The following CNTN5 variants were observed in gnomAD, a reference collection of about 807,000 sequenced individuals.
CNTN5 encodes contactin-5.
Under a neutral mutation model 129.1 loss-of-function variants are expected in CNTN5, and 77 were observed. The ratio of observed to expected loss-of-function variants is 0.60; its 90% CI spans 0.50 to 0.72. CNTN5 has a LOEUF of 0.72. CNTN5 is among the 30% of genes least tolerant of loss of function. CNTN5 has a pLI of 0.00. For missense variants in CNTN5, 1,478 were observed against 1,328.8 expected (o/e 1.11, Z -1.75); for synonymous variants, 509 against 465.6 (o/e 1.09, Z -1.20).
chr11:100,295,913 G>A (rs1401550709), intron 18 of CNTN5, among the ~76,000 whole-genome samples: 1 of 151,456 alleles, frequency 6.6e-6, no homozygotes, highest in Admixed American at 6.6e-5. Context: ...AGGAGTGTAT[G>A]TGTGTATGTA....
chr11:99,918,497 C>G (rs894689347), intron 7 of CNTN5, among the ~76,000 whole-genome samples: 5 of 151,848 alleles, frequency 3.3e-5, no homozygotes, highest in African/African-American at 1.2e-4. Flanking sequence ...ATGTGTCTTC[C>G]CCAGTCTCAC....
rs912670896 is a variant in CNTN5 at position 99,587,084 on chromosome 11, A to T, written c.55+30815A>T. On this transcript the variant is annotated intron_variant, in intron 3 of 24. Coordinates refer to ENST00000524871, the MANE Select transcript of CNTN5 (RefSeq NM_014361.4). ...GTTAACCATTTATGAAGTTTATGCC[A>T]TATGTTGAAAACCAGGTCATATTGC... Among the ~76,000 whole-genome samples, 42 of 152,196 alleles carry T rather than the reference A, an allele frequency of 2.8e-4. 1 individual carries two copies. Among genetic ancestry groups the T allele is most frequent in the African/African-American group, 1.0e-3 (42 of 41,464 alleles).
At chr11:99,553,983 C>CACACACACAT (rs1555025645) in intron 2 of CNTN5, among the ~76,000 whole-genome samples, 33 of 148,920 alleles carry the variant, frequency 2.2e-4, no homozygotes, top group Non-Finnish European at 4.6e-4. Flanking sequence ...CACACACACA[C>CACACACACAT]ACACACACAC....
At chr11:99,648,964 A>C (rs1281321614) in intron 3 of CNTN5, among the ~76,000 whole-genome samples, 1 of 151,760 alleles carries the variant, frequency 6.6e-6, no homozygotes. Flanking sequence ...CTACAGCTAG[A>C]TTGGAGGAAT....
chr11:99,994,220 C>T (rs780687476), intron 8 of CNTN5, among the ~76,000 whole-genome samples: 2 of 152,008 alleles, frequency 1.3e-5, no homozygotes, highest in East Asian at 3.9e-4. Flanking sequence ...AGAAGAGAGA[C>T]TATATGGATC....
At chr11:99,817,095 T>C (rs904952030) in intron 3 of CNTN5, among the ~76,000 whole-genome samples, 11 of 152,204 alleles carry the variant, frequency 7.2e-5, no homozygotes, top group African/African-American at 2.7e-4. Flanking sequence ...GATACTAACA[T>C]TGTATGAATA....
chr11:99,636,822 TG>T (rs1169530841), intron 3 of CNTN5, among the ~76,000 whole-genome samples: 1 of 151,198 alleles, frequency 6.6e-6, no homozygotes, highest in Non-Finnish European at 1.5e-5. Context: ...AGGACGATCC[TG>T]GCCAACATGG....
intron 13 of CNTN5, among the ~76,000 whole-genome samples, chr11:100,147,828 C>A (rs979190721): frequency 6.6e-6 from 1 of 152,124 alleles, no homozygotes; most frequent in Admixed American, 6.6e-5. Context: ...ATACAGGAAG[C>A]CTTGCCAGGA....
intron 8 of CNTN5, among the ~76,000 whole-genome samples, chr11:99,993,977 TTTTTG>T (rs1939289159): frequency 1.3e-5 from 2 of 152,160 alleles, no homozygotes; most frequent in African/African-American, 2.4e-5. Context: ...TATTCAACTC[TTTTTG>T]TTTTATTTTT....
In CNTN5 at chr11:100,336,986, G is replaced by A. The variant is rs1952050537; in HGVS notation, c.2731-3477G>A. On this transcript the variant is annotated intron_variant, in intron 21 of 24. Coordinates refer to ENST00000524871, the MANE Select transcript of CNTN5 (RefSeq NM_014361.4). ...AAAAGAAATCAAGAGCCAGAGCACA[G>A]CACATTGAACCCACACACATCTCAG... 3 of 767,452 alleles carry A rather than the reference G, an allele frequency of 3.9e-6. No homozygotes were observed. The Admixed American group carries it at 5.2e-5, about 13-fold the overall frequency. 47.5% of individuals were successfully genotyped at this position (767,452 alleles called of 1,614,324 possible). A position where few individuals can be genotyped will look rare whatever the true frequency, so the allele number is the denominator to read the frequency against.
At chr11:99,636,681 G>A (rs995536430) in intron 3 of CNTN5, among the ~76,000 whole-genome samples, 26 of 151,882 alleles carry the variant, frequency 1.7e-4, no homozygotes, top group African/African-American at 5.6e-4. Flanking sequence ...AACTCTTCAT[G>A]TAGCTGTATT....
intron 1 of CNTN5, among the ~76,000 whole-genome samples, chr11:99,059,958 T>C (rs1864806454): frequency 1.3e-5 from 2 of 152,088 alleles, no homozygotes; most frequent in African/African-American, 4.8e-5. Flanking sequence ...TAATCTCACA[T>C]ATATAATTCA....
chr11:99,964,056 G>A lies in CNTN5; in HGVS notation c.877+7047G>A, dbSNP rs184864508. 7.3e-3 allele frequency among the ~76,000 whole-genome samples: 1,116 copies of A among 152,240 alleles called. 26 individuals are homozygous for A. The highest frequency in any genetic ancestry group is 0.051 in the East Asian group (262 of 5,168). On this transcript the variant is annotated intron_variant, in intron 8 of 24. Coordinates refer to ENST00000524871, the MANE Select transcript of CNTN5 (RefSeq NM_014361.4). ...TTGCTTATCAGCTTAAGGAGATTTTGGGGTGAGACAATGGGGTTTTCTAGA... is the reference window on the plus strand; with the variant it reads ...TTGCTTATCAGCTTAAGGAGATTTTAGGGTGAGACAATGGGGTTTTCTAGA...
At chr11:99,512,545 C>T (rs1384049784) in intron 2 of CNTN5, among the ~76,000 whole-genome samples, 5 of 152,114 alleles carry the variant, frequency 3.3e-5, no homozygotes, top group Admixed American at 1.3e-4. Flanking sequence ...CGTGAAGGCT[C>T]GTGGAAACCC....
chr11:100,153,448 C>T (rs1029452135), intron 13 of CNTN5, among the ~76,000 whole-genome samples: 14 of 151,956 alleles, frequency 9.2e-5, no homozygotes, highest in African/African-American at 2.4e-4. Flanking sequence ...TATAAAAAAA[C>T]GCTTATTATG....
chr11:100,173,062 G>A (rs1003940405), intron 13 of CNTN5, among the ~76,000 whole-genome samples: 5 of 151,972 alleles, frequency 3.3e-5, no homozygotes, highest in Non-Finnish European at 7.4e-5. Context: ...CCTAAGGTGG[G>A]AACAAAGCTA....
intron 9 of CNTN5, among the ~76,000 whole-genome samples, chr11:100,013,336 T>C (rs1040248189): frequency 3.3e-5 from 5 of 152,126 alleles, no homozygotes; most frequent in Non-Finnish European, 5.9e-5. Context: ...CATAAACTTA[T>C]ACAAATAATA....
chr11:99,501,848 C>T (rs751636132), intron 2 of CNTN5, among the ~76,000 whole-genome samples: 1 of 152,170 alleles, frequency 6.6e-6, no homozygotes, highest in Non-Finnish European at 1.5e-5. Flanking sequence ...TCAGTATTTT[C>T]AGTATTTGAT....
intron 13 of CNTN5, among the ~76,000 whole-genome samples, chr11:100,177,841 C>T (rs1301834273): frequency 1.3e-5 from 2 of 152,040 alleles, no homozygotes; most frequent in Non-Finnish European, 2.9e-5. Flanking sequence ...ACATAGTCAA[C>T]CCAGATGACG....
Sources: allele counts gnomAD v4.1 joint callset (sites outside exome capture counted in the v4.1 genomes callset), GRCh38; gene constraint gnomAD v4.1.1; transcripts MANE v1.5; gene names NCBI Gene and HGNC (gene_info 2026-07-23, HGNC 2026-07-21).